GDA: variants seen among roughly 807,000 people sequenced by gnomAD.
GDA encodes the protein guanine deaminase, also known as cytoplasmic PSD-95 interactor.
GDA carries 18 observed loss-of-function variants against 59.6 expected under a neutral mutation model. That is an observed-to-expected ratio of 0.30 (90% CI 0.21 to 0.45). The LOEUF is 0.45. GDA is among the 20% of genes least tolerant of loss of function. The probability of loss-of-function intolerance (pLI) is 1.00; values close to 1 mark genes in which losing one functional copy is unlikely to be tolerated. For missense variants in GDA, 427 were observed against 552.3 expected, an observed-to-expected ratio of 0.77 and a Z score of 2.27; for synonymous variants, 201 against 201.1, an observed-to-expected ratio of 1.00 and a Z score of 0.00.
chr9:72,126,566 C>CTT (rs72370881), intron 1 of GDA, among the ~76,000 whole-genome samples: 1,551 of 133,640 alleles, frequency 0.012, 60 homozygotes, highest in African/African-American at 0.04. Flanking sequence ...CCTGGTTAGT[C>CTT]TTTTTTTTTT....
chr9:72,236,611 C>T (rs191296324), intron 10 of GDA, among the ~76,000 whole-genome samples: 32 of 152,168 alleles, frequency 2.1e-4, no homozygotes, highest in Admixed American at 5.2e-4. Flanking sequence ...CAAAATACCC[C>T]GACGTGTGTT....
chr9:72,173,816 G>C (rs1273245435), intron 1 of GDA, among the ~76,000 whole-genome samples: 1 of 152,132 alleles, frequency 6.6e-6, no homozygotes, highest in Non-Finnish European at 1.5e-5. Flanking sequence ...TTCTCATTCT[G>C]TGAGTGTGTG....
downstream of GDA, among the ~76,000 whole-genome samples, chr9:72,252,774 C>T (rs1840783361): frequency 6.6e-6 from 1 of 152,086 alleles, no homozygotes; most frequent in African/African-American, 2.4e-5. Flanking sequence ...CTAAGTTTGG[C>T]CATTGCCTTG....
At chr9:72,229,584 T>A (rs1031408660) in intron 9 of GDA, among the ~76,000 whole-genome samples, 1 of 152,060 alleles carries the variant, frequency 6.6e-6, no homozygotes, top group African/African-American at 2.4e-5. Flanking sequence ...CAAATGCTTA[T>A]GGGTTGTTGT....
At chr9:72,245,116 A>G in intron 11 of GDA, 32 bp from the exon 12 acceptor site, 1 of 1,611,724 alleles carries the variant, frequency 6.2e-7, no homozygotes, top group Non-Finnish European at 8.5e-7. Context: ...ATGGCTTGCA[A>G]TCCTGACTGT....
At chr9:72,183,920 C>T (rs1358671145) in intron 1 of GDA, among the ~76,000 whole-genome samples, 1 of 152,004 alleles carries the variant, frequency 6.6e-6, no homozygotes, top group African/African-American at 2.4e-5. Context: ...TTAAAGTTAC[C>T]GTTTTTCCTT....
In GDA at chr9:72,172,541, G is replaced by T. The variant is rs564163230; in HGVS notation, c.123+22859G>T. Among the ~76,000 whole-genome samples, 138 of 152,272 alleles carry T rather than the reference G, an allele frequency of 9.1e-4. 1 individual carries two copies. The highest frequency in any genetic ancestry group is 2.3e-3 in the African/African-American group (96 of 41,538). On this transcript the variant is annotated intron_variant, in intron 1 of 13. Transcript: ENST00000358399. Reference sequence around the variant, plus strand: ...GCTTTTCACAGGGAGCTGACTAGGGGTTGACATCTTTAACTCCTCTGTAGT... The same window carrying T: ...GCTTTTCACAGGGAGCTGACTAGGGTTTGACATCTTTAACTCCTCTGTAGT...
At chr9:72,136,457 A>G (rs989114452) in intron 1 of GDA, among the ~76,000 whole-genome samples, 1 of 152,246 alleles carries the variant, frequency 6.6e-6, no homozygotes. Context: ...TCAGTTGTTC[A>G]TATAGAATAT....
intron 1 of GDA, among the ~76,000 whole-genome samples, chr9:72,178,689 A>T (rs924383898): frequency 6.6e-6 from 1 of 152,070 alleles, no homozygotes; most frequent in Non-Finnish European, 1.5e-5. Flanking sequence ...AAGTGCTGGG[A>T]TTACAGGCGT....
intron 1 of GDA, among the ~76,000 whole-genome samples, chr9:72,137,544 C>A (rs1005210494): frequency 1.3e-5 from 2 of 151,980 alleles, no homozygotes; most frequent in African/African-American, 4.8e-5. Flanking sequence ...CCGTGCCTGG[C>A]CCTAAGATCC....
chr9:72,164,494 G>C (rs1829042651), intron 1 of GDA, among the ~76,000 whole-genome samples: 1 of 152,220 alleles, frequency 6.6e-6, no homozygotes, highest in African/African-American at 2.4e-5. Flanking sequence ...ATGATTGGAA[G>C]ATAAGGACAT....
chr9:72,250,583 G>A lies in GDA; in HGVS notation c.*2241G>A, dbSNP rs1587819443. ...TGCGGTGTTCCTGAATGTTATGTATGCTTTTTTTTCTGTACCACAGGCATT... is the reference window on the plus strand; with the variant it reads ...TGCGGTGTTCCTGAATGTTATGTATACTTTTTTTTCTGTACCACAGGCATT... On this transcript the variant is annotated 3_prime_UTR_variant, in exon 14 of 14. Transcript: ENST00000358399. 6 of 1,491,732 alleles carry A rather than the reference G, an allele frequency of 4.0e-6. No individual in the cohort carries two copies. Among genetic ancestry groups the A allele is most frequent in the East Asian group, 4.8e-5 (2 of 41,306 alleles). 92.4% of individuals were successfully genotyped at this position (1,491,732 alleles called of 1,614,324 possible). A position where few individuals can be genotyped will look rare whatever the true frequency, so the allele number is the denominator to read the frequency against.
rs550794723 is a variant in GDA, at chr9:72,165,209, A to G, written c.123+15527A>G. Among the ~76,000 whole-genome samples, 25 of 152,364 alleles carry G rather than the reference A, an allele frequency of 1.6e-4. No homozygotes were observed. In the East Asian group the frequency reaches 2.7e-3, roughly 16 times the overall value. On this transcript the variant is annotated intron_variant, in intron 1 of 13. Transcript: ENST00000358399. ...AGGACGTTTCAAAAGTTAAGAAAGCATGCTGCTGTTGCCCATTTACAAATA... is the reference window on the plus strand; with the variant it reads ...AGGACGTTTCAAAAGTTAAGAAAGCGTGCTGCTGTTGCCCATTTACAAATA...
chr9:72,247,320 G>A, intron 12 of GDA, 86 bp from the exon 13 acceptor site: 1 of 830,360 alleles, frequency 1.2e-6, no homozygotes, highest in African/African-American at 1.7e-5. Context: ...TCGTATTTCT[G>A]GGCTTTGTCA....
chr9:72,236,313 C>T (rs1386844576), intron 10 of GDA, among the ~76,000 whole-genome samples: 6 of 152,154 alleles, frequency 3.9e-5, no homozygotes, highest in Non-Finnish European at 7.3e-5. Flanking sequence ...CCAAATGGCC[C>T]ACCGCTTGGG....
At chr9:72,141,705 G>A (rs572573164) in intron 1 of GDA, among the ~76,000 whole-genome samples, 8 of 152,202 alleles carry the variant, frequency 5.3e-5, no homozygotes, top group South Asian at 2.1e-4. Context: ...TGAGGTAAGC[G>A]TCTTTTCACT....
intron 1 of GDA, among the ~76,000 whole-genome samples, chr9:72,180,510 AAGAG>A (rs538322483): frequency 6.6e-6 from 1 of 152,122 alleles, no homozygotes; most frequent in African/African-American, 2.4e-5. Flanking sequence ...AGTTTTTCAA[AAGAG>A]AGAGAGAGTG....
At chr9:72,242,317 A>G (rs539901096) in intron 11 of GDA, among the ~76,000 whole-genome samples, 10 of 152,332 alleles carry the variant, frequency 6.6e-5, no homozygotes, top group African/African-American at 2.4e-4. Flanking sequence ...TGATATGCAA[A>G]TATTGCTCAT....
In GDA at chr9:72,250,408, T is replaced by C; in HGVS notation, c.*2066T>C. ...ATCAGAAGCAGTAGGAATGGCCGTA[T>C]ACAACCATCCTGTTAAACATTTAAA... On this transcript the variant is annotated 3_prime_UTR_variant, in exon 14 of 14. Coordinates refer to ENST00000358399, the MANE Select transcript of GDA (RefSeq NM_004293.5). The C allele has an allele frequency of 2.6e-6, 3 of 1,174,176 alleles. No homozygotes were observed. Among genetic ancestry groups the C allele is most frequent in the Non-Finnish European group, 3.2e-6 (3 of 944,200 alleles). 72.7% of individuals were successfully genotyped at this position (1,174,176 alleles called of 1,614,324 possible).
Sources: gnomAD v4.1 joint callset for allele counts (sites outside exome capture counted in the v4.1 genomes callset) on GRCh38, gnomAD v4.1.1 for gene constraint, MANE v1.5 for transcripts, NCBI Gene and HGNC (gene_info 2026-07-23, HGNC 2026-07-21) for gene names.